The following UBXN7 variants were observed in gnomAD, a reference collection of about 807,000 sequenced individuals.
UBXN7 encodes the protein UBX domain protein 7.
Under a neutral mutation model 58.0 loss-of-function variants are expected in UBXN7, and 9 were observed. The ratio of observed to expected loss-of-function variants is 0.16; its 90% CI spans 0.09 to 0.27. The LOEUF is 0.27. Among genes scored for constraint, UBXN7 ranks in the 10% least tolerant of loss-of-function variants. The pLI, the probability that UBXN7 is intolerant of heterozygous loss-of-function variation, is 1.00. For missense variants in UBXN7, 328 were observed against 599.6 expected (o/e 0.55, Z 4.73); for synonymous variants, 208 against 205.0 (o/e 1.01, Z -0.12).
At chr3:196,417,255 T>C (rs1730524592) in intron 1 of UBXN7, among the ~76,000 whole-genome samples, 2 of 152,046 alleles carry the variant, frequency 1.3e-5, no homozygotes, top group Admixed American at 6.6e-5. Context: ...GAGCTTGCAG[T>C]GAGCCGAGAT....
At chr3:196,392,623 T>C (rs1025768708) in intron 4 of UBXN7, among the ~76,000 whole-genome samples, 3 of 151,492 alleles carry the variant, frequency 2.0e-5, no homozygotes, top group African/African-American at 7.3e-5. Context: ...GGCAACATGG[T>C]GAAACCTCAT....
chr3:196,363,880 G>A (rs1434579711), intron 8 of UBXN7, among the ~76,000 whole-genome samples: 1 of 148,998 alleles, frequency 6.7e-6, no homozygotes, highest in Admixed American at 6.7e-5. Context: ...CAGAGATTGC[G>A]CCACTGCACC....
At chr3:196,359,838 G>A (rs1461146844) in intron 10 of UBXN7, among the ~76,000 whole-genome samples, 2 of 151,960 alleles carry the variant, frequency 1.3e-5, no homozygotes, top group African/African-American at 2.4e-5. Flanking sequence ...CCCGGGAGGC[G>A]GAGGTTGCAG....
At chr3:196,403,497 C>G (rs1228298986) in intron 2 of UBXN7, among the ~76,000 whole-genome samples, 1 of 151,954 alleles carries the variant, frequency 6.6e-6, no homozygotes, top group East Asian at 1.9e-4. Flanking sequence ...ACATAAAGCT[C>G]AAGTGGAAAA....
At chr3:196,393,713 CAT>C in intron 3 of UBXN7, 94 bp from the exon 4 acceptor site, 1 of 1,255,556 alleles carries the variant, frequency 8.0e-7, no homozygotes, top group South Asian at 1.4e-5. Flanking sequence ...TTTAATAAAA[CAT>C]ATGAAACCCT....
chr3:196,363,243 CATACATAAATAT>C (rs1199449412), intron 8 of UBXN7, among the ~76,000 whole-genome samples: 37 of 127,842 alleles, frequency 2.9e-4, no homozygotes, highest in African/African-American at 9.8e-4. Flanking sequence ...TACATACATA[CATACATAAATAT>C]ATATATACAC....
chr3:196,413,876 T>C (rs534449577), intron 1 of UBXN7, among the ~76,000 whole-genome samples: 1 of 152,304 alleles, frequency 6.6e-6, no homozygotes, highest in African/African-American at 2.4e-5. Context: ...TCTAGATTAC[T>C]TATAGCACCT....
intron 1 of UBXN7, 47 bp from the exon 2 acceptor site, chr3:196,407,440 AAGAC>A (rs1388504368): frequency 4.5e-6 from 7 of 1,539,516 alleles, no homozygotes; most frequent in East Asian, 2.3e-5. Context: ...AAAAAAAAAA[AAGAC>A]AGCCTCTTTC....
intron 3 of UBXN7, among the ~76,000 whole-genome samples, chr3:196,402,326 T>C (rs1206080056): frequency 2.6e-5 from 4 of 152,176 alleles, no homozygotes; most frequent in South Asian, 2.1e-4. Context: ...ACAAAGTATT[T>C]CTCTGCATTA....
chr3:196,414,450 A>G (rs1443625219), intron 1 of UBXN7, among the ~76,000 whole-genome samples: 1 of 152,078 alleles, frequency 6.6e-6, no homozygotes, highest in Non-Finnish European at 1.5e-5. Flanking sequence ...GTTTTAATCC[A>G]TCTCAAGCTG....
chr3:196,392,754 G>C (rs1729628325), intron 4 of UBXN7, among the ~76,000 whole-genome samples: 1 of 152,106 alleles, frequency 6.6e-6, no homozygotes, highest in Non-Finnish European at 1.5e-5. Flanking sequence ...AGTAAGCTGA[G>C]ATCATGCCAC....
rs544699480 is a variant in UBXN7 at position 196,385,255 on chromosome 3, C to T, written c.468+6558G>A. 1.0e-3 allele frequency among the ~76,000 whole-genome samples: 153 copies of T among 152,362 alleles called. No individual in the cohort carries two copies. In the Middle Eastern group the frequency reaches 0.024, roughly 24 times the overall value. On this transcript the variant is annotated intron_variant, in intron 5 of 10. Coordinates refer to ENST00000296328, the MANE Select transcript of UBXN7 (RefSeq NM_015562.2). ...CTGACCGTGAGTGATCTGCCAGCCT[C>T]GGCCTCCCGAGGTGCCGGGATTGCA...
intron 8 of UBXN7, among the ~76,000 whole-genome samples, chr3:196,365,370 C>A (rs1178327919): frequency 1.3e-5 from 2 of 151,712 alleles, no homozygotes; most frequent in Admixed American, 1.3e-4. Flanking sequence ...AAAAAACCCA[C>A]CAAAATCCCA....
chr3:196,402,705 A>C (rs1011489595), intron 3 of UBXN7, among the ~76,000 whole-genome samples: 3 of 152,210 alleles, frequency 2.0e-5, no homozygotes, highest in Non-Finnish European at 4.4e-5. Context: ...ATTCATTCCC[A>C]TTACAAGGCA....
intron 1 of UBXN7, among the ~76,000 whole-genome samples, chr3:196,410,873 T>C (rs1730303555): frequency 6.6e-6 from 1 of 152,092 alleles, no homozygotes; most frequent in South Asian, 2.1e-4. Context: ...GCAGTATAAA[T>C]TCAAGTCTTT....
At chr3:196,388,588 TA>T (rs1729486399) in intron 5 of UBXN7, among the ~76,000 whole-genome samples, 1 of 152,058 alleles carries the variant, frequency 6.6e-6, no homozygotes, top group Admixed American at 6.6e-5. Flanking sequence ...ACAAGTGAAT[TA>T]ATCAGTCTCT....
At position 196,391,796 on chromosome 3, in the gene UBXN7, A is replaced by C; in HGVS notation, c.468+17T>G. 5 of 1,570,926 alleles carry C rather than the reference A, an allele frequency of 3.2e-6. No individual in the cohort carries two copies. The South Asian group carries it at 5.8e-5, about 18-fold the overall frequency. ...AAAAGGATTCATAGTTAAGGCACTGACTCTCCAACAACTTACTGTTTCAAA... is the reference window on the plus strand; with the variant it reads ...AAAAGGATTCATAGTTAAGGCACTGCCTCTCCAACAACTTACTGTTTCAAA... On this transcript the variant is annotated intron_variant, in intron 5 of 10. Transcript: ENST00000296328.
intron 5 of UBXN7, among the ~76,000 whole-genome samples, chr3:196,385,566 G>T (rs9874783): frequency 0.53 from 79,464 of 150,850 alleles, 21,240 homozygotes; most frequent in East Asian, 0.9. Context: ...AGAGCGCCTC[G>T]GCCCGGCAGT....
chr3:196,358,776 CCA>C (rs1728422647), intron 10 of UBXN7, among the ~76,000 whole-genome samples: 1 of 151,996 alleles, frequency 6.6e-6, no homozygotes, highest in Admixed American at 6.6e-5. Flanking sequence ...AGATGACTCA[CCA>C]CAGTTTGCAG....
Sources: gnomAD v4.1 joint callset for allele counts (sites outside exome capture counted in the v4.1 genomes callset) on GRCh38, gnomAD v4.1.1 for gene constraint, MANE v1.5 for transcripts, NCBI Gene and HGNC (gene_info 2026-07-23, HGNC 2026-07-21) for gene names.